Variants in NFATC1 observed in about 807,000 individuals in gnomAD.
NFATC1 encodes nuclear factor of activated T cells 1.
NFATC1 carries 22 observed loss-of-function variants against 76.0 expected under a neutral mutation model. The observed-to-expected ratio is 0.29, with a 90% CI of 0.21 to 0.41. NFATC1 has a LOEUF of 0.41. Ranked by LOEUF, NFATC1 falls within the 10% of genes least tolerant of loss-of-function variation. The pLI is 1.00. For synonymous variants in NFATC1, 704 were observed against 613.1 expected (o/e 1.15, Z -2.19); for missense variants, 1,357 against 1,337.7 (o/e 1.01, Z -0.23).
chr18:79,427,699 C>G (rs2086421769), intron 2 of NFATC1, among the ~76,000 whole-genome samples: 5 of 57,132 alleles, frequency 8.8e-5, no homozygotes, highest in Admixed American at 2.9e-4. Flanking sequence ...GGCCTCTGTG[C>G]AGTGGGTGGG....
Position 79,520,531 on chromosome 18 carries a change from T to TGTGGGG in NFATC1, c.2783-6996_2783-6995insTGGGGG, listed in dbSNP as rs1555925214. On this transcript the variant is annotated intron_variant, in intron 9 of 9. Coordinates refer to ENST00000427363, the MANE Select transcript of NFATC1 (RefSeq NM_001278669.2). ...GCCAAGCAGCAGAAGACTCTGTGTG[T>TGTGGGG]GGGGGGGGGAGGGTGCATCCACCAC... Among the ~76,000 whole-genome samples the TGTGGGG allele has an allele frequency of 2.0e-3, 280 of 141,622 alleles. 1 individual carries two copies. The highest frequency in any genetic ancestry group is 7.1e-3 in the African/African-American group (266 of 37,476). 92.9% of individuals were successfully genotyped at this position (141,622 alleles called of 152,430 possible). A position where few individuals can be genotyped will look rare whatever the true frequency, so the allele number is the denominator to read the frequency against.
intron 2 of NFATC1, among the ~76,000 whole-genome samples, chr18:79,413,745 A>G (rs765975678): frequency 3.9e-5 from 6 of 152,192 alleles, no homozygotes; most frequent in Non-Finnish European, 7.3e-5. Context: ...CTGGGCGGCA[A>G]GGTGTCCGCA....
intron 2 of NFATC1, among the ~76,000 whole-genome samples, chr18:79,419,361 G>A (rs1386446814): frequency 2.0e-5 from 3 of 152,266 alleles, no homozygotes; most frequent in Admixed American, 6.5e-5. Context: ...CCATCTCACC[G>A]AAGACCGAGT....
chr18:79,411,256 G>A lies in NFATC1; in HGVS notation c.981G>A (p.Leu327=). Residue 327 remains leucine, a synonymous_variant, in exon 2 of 10, where the codon CTG becomes CTA. Coordinates refer to ENST00000427363, the MANE Select transcript of NFATC1 (RefSeq NM_001278669.2). The stretch of plus-strand genomic sequence containing the variant: ...TGACCACCGACAGCAGCCTGGACCT[G>A]GGAGATGGCGTCCCTGTCAAGTCCC... ...NALTTDSSLD[L]GDGVPVKSRK... The A allele has an allele frequency of 6.2e-7, 1 of 1,603,308 alleles. No homozygotes were observed. The highest frequency in any genetic ancestry group is 1.3e-5 in the African/African-American group (1 of 75,034).
intron 2 of NFATC1, among the ~76,000 whole-genome samples, chr18:79,429,111 C>T (rs2086495275): frequency 6.6e-6 from 1 of 151,716 alleles, no homozygotes; most frequent in African/African-American, 2.4e-5. Flanking sequence ...CTCCCAGCTA[C>T]TCTGGAGGCT....
intron 2 of NFATC1, among the ~76,000 whole-genome samples, chr18:79,427,385 CAGTGGGTTGGGGGG>C (rs2086380691): frequency 1.2e-5 from 1 of 85,882 alleles, no homozygotes; most frequent in Admixed American, 1.3e-4. Context: ...GGCCTCTGTG[CAGTGGGTTGGGGGG>C]AGCTGGATGG....
In NFATC1 at chr18:79,433,729, C is replaced by T. The variant is rs571494717; in HGVS notation, c.1377C>T (p.Pro459=). The T allele has an allele frequency of 4.3e-6, 7 of 1,612,456 alleles. No homozygotes were observed. In the Admixed American group the frequency reaches 1.2e-4, roughly 27 times the overall value. The part of the protein sequence containing the change: ...GAVKASAGGH[P]IVQLHGYLEN... The stretch of plus-strand genomic sequence containing the variant: ...TGAAGGCGTCGGCCGGAGGACACCC[C>T]ATCGTGCAGGTAGGCACTGCGGCCA... The change falls in exon 3 of 10, where the codon CCC becomes CCT. Residue 459 remains proline (P), a synonymous_variant. Coordinates refer to ENST00000427363, the MANE Select transcript of NFATC1 (RefSeq NM_001278669.2).
rs2089516883 is a variant in NFATC1 at position 79,486,870 on chromosome 18, T to G, written c.2715T>G (p.Asn905Lys). ...LPEVHEDGSPNLAPIPVTVKR... is the reference protein window; with the variant it reads ...LPEVHEDGSPKLAPIPVTVKR... The stretch of plus-strand genomic sequence containing the variant: ...AGGTGCATGAGGACGGTAGTCCTAA[T>G]TTGGCCCCTATTCCTGTAACGGTCA... The change falls in exon 9 of 10, where the codon AAT becomes AAG. Residue 905 changes from asparagine to lysine, a missense_variant. Asn to Lys is a moderately conservative substitution (Grantham distance 94). Coordinates refer to ENST00000427363, the MANE Select transcript of NFATC1 (RefSeq NM_001278669.2). 25 of 1,611,492 alleles carry G rather than the reference T, an allele frequency of 1.6e-5. No homozygotes were observed. In the East Asian group the frequency reaches 5.6e-4, roughly 36 times the overall value.
At chr18:79,495,017 C>A (rs926324678) in intron 9 of NFATC1, among the ~76,000 whole-genome samples, 3 of 152,226 alleles carry the variant, frequency 2.0e-5, no homozygotes, top group African/African-American at 7.2e-5. Flanking sequence ...GAGCATGGAG[C>A]CCATGGCTGG....
intron 8 of NFATC1, among the ~76,000 whole-genome samples, chr18:79,478,007 G>A (rs117087578): frequency 0.018 from 2,732 of 152,174 alleles, 26 homozygotes; most frequent in Non-Finnish European, 0.029. Context: ...TGAGGTTGAG[G>A]GGACACGAGT....
intron 9 of NFATC1, among the ~76,000 whole-genome samples, chr18:79,499,415 ACACAAAAT>A (rs2089967709): frequency 6.6e-6 from 1 of 152,276 alleles, no homozygotes; most frequent in African/African-American, 2.4e-5. Context: ...TATGTGTGTA[ACACAAAAT>A]AAGCCAGTAA....
intron 1 of NFATC1, chr18:79,400,218 C>T: frequency 8.4e-7 from 1 of 1,191,186 alleles, no homozygotes; most frequent in South Asian, 3.7e-5. Context: ...AAGCCGGCGG[C>T]CGCGAGCCGG....
chr18:79,456,187 G>A (rs144234725), intron 6 of NFATC1, among the ~76,000 whole-genome samples: 480 of 152,272 alleles, frequency 3.2e-3, no homozygotes, highest in Non-Finnish European at 5.6e-3. Context: ...CGGAACCACC[G>A]TGGCTTTGGG....
chr18:79,427,131 C>T (rs563545764), intron 2 of NFATC1, among the ~76,000 whole-genome samples: 11 of 152,254 alleles, frequency 7.2e-5, no homozygotes, highest in Admixed American at 2.0e-4. Flanking sequence ...CAGGGGGGCC[C>T]GGGGCTGCAG....
chr18:79,450,293 ATTG>A (rs2087409242), intron 4 of NFATC1, among the ~76,000 whole-genome samples: 1 of 152,142 alleles, frequency 6.6e-6, no homozygotes. Context: ...TTTGAATGAA[ATTG>A]TTAAGAGGTT....
rs12968681 is a variant in NFATC1 at position 79,524,333 on chromosome 18, C to A, written c.2783-3195C>A. Among the ~76,000 whole-genome samples, 31 of 152,354 alleles carry A rather than the reference C, an allele frequency of 2.0e-4. No individual in the cohort carries two copies. The highest frequency in any genetic ancestry group is 6.7e-4 in the African/African-American group (28 of 41,580). ...TGCGGGGCGAGCACGGCTCCACGTACGGCTCTCGTCCGCGGTGTGGATGGG... is the reference window on the plus strand; with the variant it reads ...TGCGGGGCGAGCACGGCTCCACGTAAGGCTCTCGTCCGCGGTGTGGATGGG... On this transcript the variant is annotated intron_variant, in intron 9 of 9. Transcript: ENST00000427363. This position sits in a 1 kb window ranked among gnomAD's most constrained non-coding sequence, Gnocchi z 7.2.
At chr18:79,403,102 C>T (rs1212795008) in intron 1 of NFATC1, among the ~76,000 whole-genome samples, 3 of 152,230 alleles carry the variant, frequency 2.0e-5, no homozygotes, top group African/African-American at 7.2e-5. Flanking sequence ...GGTCAGTGTA[C>T]CGGGGTTGGG....
At chr18:79,521,015 A>G (rs1247126887) in intron 9 of NFATC1, among the ~76,000 whole-genome samples, 1 of 68,668 alleles carries the variant, frequency 1.5e-5, no homozygotes, top group African/African-American at 5.9e-5. Flanking sequence ...GGGGGCATCC[A>G]CTGATATGTG....
chr18:79,450,570 G>A (rs1399391453), intron 4 of NFATC1, among the ~76,000 whole-genome samples: 1 of 152,180 alleles, frequency 6.6e-6, no homozygotes, highest in African/African-American at 2.4e-5. Flanking sequence ...TGCCGCTCTG[G>A]TGACATCCCC....
Sources: allele counts gnomAD v4.1 joint callset (sites outside exome capture counted in the v4.1 genomes callset), GRCh38; gene constraint gnomAD v4.1.1; non-coding constraint Gnocchi (gnomAD v3.1); transcripts MANE v1.5; gene names NCBI Gene and HGNC (gene_info 2026-07-23, HGNC 2026-07-21).